HUNK: variants seen among roughly 807,000 people sequenced by gnomAD.
HUNK encodes hormonally up-regulated neu tumor-associated kinase.
In HUNK, 21 loss-of-function variants were observed where a neutral mutation model predicts 61.0. The observed-to-expected ratio is 0.34, with a 90% CI of 0.24 to 0.50. The LOEUF is 0.50. HUNK is among the 20% of genes least tolerant of loss of function. HUNK has a pLI of 0.98. For synonymous variants in HUNK, 371 were observed against 386.1 expected (o/e 0.96, Z 0.46); for missense variants, 772 against 945.7 (o/e 0.82, Z 2.41).
chr21:31,896,232 C>T (rs535549383), intron 1 of HUNK, among the ~76,000 whole-genome samples: 32 of 152,088 alleles, frequency 2.1e-4, no homozygotes, highest in Non-Finnish European at 4.1e-4. Flanking sequence ...TTTGGCAGCC[C>T]GGGCCAACTA....
Position 32,000,241 on chromosome 21 carries a change from G to C in HUNK, c.*1057G>C, listed in dbSNP as rs2053237100. 2.5e-6 allele frequency: 1 copy of C among 399,034 alleles called. No individual in the cohort carries two copies. Among genetic ancestry groups the C allele is most frequent in the Admixed American group, 4.4e-5 (1 of 22,728 alleles). 24.7% of individuals were successfully genotyped at this position (399,034 alleles called of 1,614,324 possible). A position where few individuals can be genotyped will look rare whatever the true frequency, so the allele number is the denominator to read the frequency against. Reference sequence around the variant, plus strand: ...TGATTTCAAGCTGCCCACAGAACTGGTGCGGCTCAGAGCTCGGCGAGTTTG... The same window carrying C: ...TGATTTCAAGCTGCCCACAGAACTGCTGCGGCTCAGAGCTCGGCGAGTTTG... On this transcript the variant is annotated 3_prime_UTR_variant, in exon 11 of 11. Transcript: ENST00000270112.
intron 1 of HUNK, among the ~76,000 whole-genome samples, chr21:31,886,016 A>AC (rs1224567928): frequency 6.6e-6 from 1 of 152,144 alleles, no homozygotes; most frequent in Non-Finnish European, 1.5e-5. Flanking sequence ...CAGACTATAG[A>AC]CGTGAGCCAC....
Position 31,933,583 on chromosome 21 carries a change from G to A in HUNK, c.555-6582G>A, listed in dbSNP as rs190832478. On this transcript the variant is annotated intron_variant, in intron 2 of 10. Coordinates refer to ENST00000270112, the MANE Select transcript of HUNK (RefSeq NM_014586.2). ...GTGGATCACCTGAGGTTGGGAGTTC[G>A]ACACCAGCCTGACCAACATGGAGAA... 6.6e-5 allele frequency among the ~76,000 whole-genome samples: 10 copies of A among 152,048 alleles called. No individual in the cohort carries two copies. The East Asian group carries it at 9.8e-4, about 15-fold the overall frequency.
chr21:31,968,521 A>AACACCC (rs1291900743), intron 6 of HUNK, 136 bp downstream of exon 6: 4 of 949,164 alleles, frequency 4.2e-6, no homozygotes, highest in Non-Finnish European at 6.3e-6. Context: ...CCTTCCCCCT[A>AACACCC]ACACCCACAC....
intron 3 of HUNK, among the ~76,000 whole-genome samples, chr21:31,944,639 CAAGG>C (rs929269635): frequency 1.3e-5 from 2 of 150,314 alleles, no homozygotes; most frequent in African/African-American, 4.9e-5. Flanking sequence ...GTAAGGGAGT[CAAGG>C]AGGAGAAGGG....
chr21:31,991,505 C>T (rs2053171854), intron 9 of HUNK, among the ~76,000 whole-genome samples: 1 of 152,204 alleles, frequency 6.6e-6, no homozygotes, highest in Admixed American at 6.5e-5. Context: ...AAGCATGAGC[C>T]ACTGCGCCCG....
intron 1 of HUNK, among the ~76,000 whole-genome samples, chr21:31,904,157 A>G (rs533191206): frequency 6.6e-6 from 1 of 151,948 alleles, no homozygotes; most frequent in East Asian, 1.9e-4. Context: ...ATTCACCACA[A>G]AAGATTGGCC....
intron 4 of HUNK, among the ~76,000 whole-genome samples, chr21:31,947,141 C>G (rs1425738951): frequency 6.6e-6 from 1 of 150,728 alleles, no homozygotes; most frequent in African/African-American, 2.5e-5. Context: ...CATTCTCAAG[C>G]CATTGGCGCC....
chr21:31,887,052 T>C (rs538660015), intron 1 of HUNK, among the ~76,000 whole-genome samples: 1 of 152,226 alleles, frequency 6.6e-6, no homozygotes, highest in Admixed American at 6.5e-5. Flanking sequence ...GCTGTATGTT[T>C]CTCTCATTCC....
At chr21:31,998,388 C>A in intron 10 of HUNK, 138 bp from the exon 11 acceptor site, 1 of 793,606 alleles carries the variant, frequency 1.3e-6, no homozygotes. Flanking sequence ...GCAAAGTAGC[C>A]AAGGCTGTTT....
At chr21:31,987,469 A>G (rs1157041176) in intron 8 of HUNK, among the ~76,000 whole-genome samples, 1 of 152,250 alleles carries the variant, frequency 6.6e-6, no homozygotes, top group South Asian at 2.1e-4. Flanking sequence ...CGCTGACCTG[A>G]CACCTGCCCC....
intron 9 of HUNK, among the ~76,000 whole-genome samples, chr21:31,992,655 G>C (rs2053179373): frequency 1.3e-5 from 2 of 152,228 alleles, no homozygotes; most frequent in South Asian, 4.1e-4. Context: ...CTTGCCGTGT[G>C]AGGAGCTTGC....
intron 6 of HUNK, among the ~76,000 whole-genome samples, chr21:31,970,868 T>G (rs2123850870): frequency 6.6e-6 from 1 of 152,160 alleles, no homozygotes; most frequent in East Asian, 1.9e-4. Flanking sequence ...ATTGTAATGG[T>G]TTTTGCATTT....
At chr21:31,920,398 A>G (rs1469001264) in intron 1 of HUNK, among the ~76,000 whole-genome samples, 1 of 152,128 alleles carries the variant, frequency 6.6e-6, no homozygotes, top group African/African-American at 2.4e-5. Context: ...ATAATTGTGT[A>G]CTCTGTTAAA....
At chr21:31,930,059 T>C (rs1196137776) in intron 2 of HUNK, among the ~76,000 whole-genome samples, 1 of 152,210 alleles carries the variant, frequency 6.6e-6, no homozygotes, top group African/African-American at 2.4e-5. Flanking sequence ...AAAAATAGCA[T>C]TGGAAATGTG....
At position 31,924,982 on chromosome 21, in the gene HUNK, C is replaced by T. The variant is rs116184092; in HGVS notation, c.554+222C>T. Among the ~76,000 whole-genome samples the T allele has an allele frequency of 0.041, 6,215 of 152,220 alleles. 161 individuals are homozygous for T. Among genetic ancestry groups the T allele is most frequent in the Middle Eastern group, 0.12 (36 of 294 alleles). On this transcript the variant is annotated intron_variant, in intron 2 of 10. Transcript: ENST00000270112. This position sits in a 1 kb window ranked among gnomAD's most constrained non-coding sequence, Gnocchi z 5.1. ...CGCAGTCATGGCTCACTGCAACCTC[C>T]GCCTTGTGGGTTCAAGCGATTTTCC...
At chr21:31,986,905 C>T (rs1207522672) in intron 8 of HUNK, among the ~76,000 whole-genome samples, 1 of 152,114 alleles carries the variant, frequency 6.6e-6, no homozygotes, top group African/African-American at 2.4e-5. Context: ...TGGGGCCTGT[C>T]CCATTTGCAG....
chr21:31,958,751 G>A, intron 4 of HUNK, 92 bp from the exon 5 acceptor site: 2 of 1,248,688 alleles, frequency 1.6e-6, no homozygotes, highest in Non-Finnish European at 2.2e-6. Flanking sequence ...CATGGAAGCA[G>A]CAGCTCCCAC....
intron 1 of HUNK, among the ~76,000 whole-genome samples, chr21:31,912,350 G>A (rs1326375501): frequency 6.6e-6 from 1 of 152,202 alleles, no homozygotes; most frequent in Non-Finnish European, 1.5e-5. Context: ...AGGGTGAGAA[G>A]GAGCCAAAAG....
Sources: gnomAD v4.1 joint callset for allele counts (sites outside exome capture counted in the v4.1 genomes callset) on GRCh38, gnomAD v4.1.1 for gene constraint, Gnocchi (gnomAD v3.1) non-coding constraint, MANE v1.5 for transcripts, NCBI Gene and HGNC (gene_info 2026-07-23, HGNC 2026-07-21) for gene names.